Variants in HSPA4 observed in about 807,000 individuals in gnomAD.
HSPA4 encodes the protein heat shock protein family A (Hsp70) member 4, also known as heat shock 70 kDa protein 4.
In HSPA4, 25 loss-of-function variants were observed where a neutral mutation model predicts 106.2. The ratio of observed to expected loss-of-function variants is 0.24; its 90% CI spans 0.17 to 0.33. The LOEUF is 0.33. Among genes scored for constraint, HSPA4 ranks in the 10% least tolerant of loss-of-function variants. HSPA4 has a pLI of 1.00. For missense variants in HSPA4, 841 were observed against 996.0 expected (o/e 0.84, Z 2.10); for synonymous variants, 332 against 333.6 (o/e 1.00, Z 0.05).
At chr5:133,066,737 T>C (rs943170975) in intron 2 of HSPA4, among the ~76,000 whole-genome samples, 5 of 71,970 alleles carry the variant, frequency 6.9e-5, no homozygotes, top group African/African-American at 3.6e-4. Flanking sequence ...TTCTTTTTTC[T>C]TTTTTTTTTT....
intron 8 of HSPA4, among the ~76,000 whole-genome samples, chr5:133,088,016 A>T (rs185927984): frequency 6.6e-6 from 1 of 152,186 alleles, no homozygotes; most frequent in East Asian, 1.9e-4. Context: ...CTTTAATGTC[A>T]GGTCAGAATA....
intron 1 of HSPA4, among the ~76,000 whole-genome samples, chr5:133,057,218 A>G (rs1375189358): frequency 1.3e-5 from 2 of 152,120 alleles, no homozygotes; most frequent in Admixed American, 1.3e-4. Context: ...TAATGTCTCT[A>G]TTTCCATTCT....
At chr5:133,102,578 AG>A (rs1425521056) in intron 17 of HSPA4, among the ~76,000 whole-genome samples, 2 of 152,216 alleles carry the variant, frequency 1.3e-5, no homozygotes, top group Non-Finnish European at 1.5e-5. Context: ...AGCAACATTC[AG>A]GGTCACTAAA....
rs916234000 is a variant in HSPA4, at chr5:133,106,390, T to A, written c.*1954T>A. On this transcript the variant is annotated 3_prime_UTR_variant, in exon 19 of 19. Coordinates refer to ENST00000304858, the MANE Select transcript of HSPA4 (RefSeq NM_002154.4). ...CACGTTCTTACACTAAGAAAATCATTCAGTAAACATGAGACAAGTTTAGGA... is the reference window on the plus strand; with the variant it reads ...CACGTTCTTACACTAAGAAAATCATACAGTAAACATGAGACAAGTTTAGGA... 6.6e-6 allele frequency: 1 copy of A among 151,830 alleles called. No individual in the cohort carries two copies. The highest frequency in any genetic ancestry group is 1.5e-5 in the Non-Finnish European group (1 of 67,972). 9.4% of individuals were successfully genotyped at this position (151,830 alleles called of 1,614,324 possible).
intron 1 of HSPA4, among the ~76,000 whole-genome samples, chr5:133,054,568 G>T (rs1433418324): frequency 6.6e-6 from 1 of 152,152 alleles, no homozygotes; most frequent in Admixed American, 6.6e-5. Context: ...CGTTTTTAGT[G>T]TAGTCACAAA....
rs143973960 is a variant in HSPA4, at chr5:133,105,811, T to A, written c.*1375T>A. On this transcript the variant is annotated 3_prime_UTR_variant, in exon 19 of 19. Transcript: ENST00000304858. ...AGCGTTTGTCCATCTCTAGATAACA[T>A]TGAAAAGTTTGAGTGTTACAGGCTC... 6.6e-6 allele frequency: 1 copy of A among 152,116 alleles called. No homozygotes were observed. The highest frequency in any genetic ancestry group is 1.5e-5 in the Non-Finnish European group (1 of 68,032). 9.4% of individuals were successfully genotyped at this position (152,116 alleles called of 1,614,324 possible).
chr5:133,052,173 A>G lies in HSPA4; in HGVS notation c.-78A>G. ...CCTCGGCCCAAGAGGCCTGCTTTCC[A>G]CTCGCTAGCCCCGCCGGGGGTCCGT... On this transcript the variant is annotated 5_prime_UTR_variant, in exon 1 of 19. Coordinates refer to ENST00000304858, the MANE Select transcript of HSPA4 (RefSeq NM_002154.4). The G allele has an allele frequency of 9.9e-7, 1 of 1,014,418 alleles. No individual in the cohort carries two copies. The highest frequency in any genetic ancestry group is 1.5e-6 in the Non-Finnish European group (1 of 682,270). 62.8% of individuals were successfully genotyped at this position (1,014,418 alleles called of 1,614,324 possible).
intron 15 of HSPA4, among the ~76,000 whole-genome samples, chr5:133,098,948 C>T (rs1017781452): frequency 3.9e-5 from 6 of 151,954 alleles, no homozygotes; most frequent in African/African-American, 7.2e-5. Flanking sequence ...GGATTACAGG[C>T]GTGAGCCAGT....
chr5:133,063,686 G>A (rs1021337525), intron 1 of HSPA4, among the ~76,000 whole-genome samples: 2 of 152,076 alleles, frequency 1.3e-5, no homozygotes, highest in African/African-American at 4.8e-5. Flanking sequence ...GCCCGCCTCG[G>A]CCCCCCAAAG....
At chr5:133,087,004 A>G (rs754720580) in intron 8 of HSPA4, 146 bp downstream of exon 8, 29 of 584,744 alleles carry the variant, frequency 5.0e-5, no homozygotes, top group Non-Finnish European at 7.5e-5. Context: ...TTCAACCTGT[A>G]TCTTCCCCCT....
At chr5:133,094,457 A>T (rs1642823153) in intron 13 of HSPA4, among the ~76,000 whole-genome samples, 2 of 152,258 alleles carry the variant, frequency 1.3e-5, no homozygotes, top group African/African-American at 4.8e-5. Flanking sequence ...AAGTAATATT[A>T]AAAAGGAAAA....
At chr5:133,084,834 A>T (rs1162437510) in intron 7 of HSPA4, among the ~76,000 whole-genome samples, 2 of 151,512 alleles carry the variant, frequency 1.3e-5, no homozygotes, top group Non-Finnish European at 2.9e-5. Flanking sequence ...TTTTTGGAGA[A>T]AGGATACCTA....
intron 3 of HSPA4, among the ~76,000 whole-genome samples, chr5:133,070,148 A>G (rs915442839): frequency 6.6e-6 from 1 of 151,970 alleles, no homozygotes; most frequent in Non-Finnish European, 1.5e-5. Flanking sequence ...GAGAGAGAGA[A>G]TGACAGAGAG....
chr5:133,076,035 A>G (rs1176840699), intron 6 of HSPA4: 1 of 152,226 alleles, frequency 6.6e-6, no homozygotes, highest in Non-Finnish European at 1.5e-5. Flanking sequence ...TACTGGTTTT[A>G]TTCCTTCATA....
At chr5:133,070,152 CAGAG>C (rs372746519) in intron 3 of HSPA4, among the ~76,000 whole-genome samples, 233 of 151,574 alleles carry the variant, frequency 1.5e-3, no homozygotes, top group African/African-American at 5.1e-3. Flanking sequence ...GAGAGAATGA[CAGAG>C]AGAGAGACCC....
At position 133,092,900 on chromosome 5, in the gene HSPA4, A is replaced by G. The variant is rs78449551; in HGVS notation, c.1650+111A>G. ...CAGTGACATGATCTCGGCTCGCTGC[A>G]TCCTCCACCTCCTGGGTTCAAGTGA... is the stretch of plus-strand genomic sequence containing the variant. On this transcript the variant is annotated intron_variant, in intron 13 of 18. Coordinates refer to ENST00000304858, the MANE Select transcript of HSPA4 (RefSeq NM_002154.4). 5 of 613,988 alleles carry G rather than the reference A, an allele frequency of 8.1e-6. No individual in the cohort carries two copies. The South Asian group carries it at 8.5e-5, about 10-fold the overall frequency. The allele number at this position is 613,988 out of a possible 1,614,324, so 38.0% of individuals were successfully genotyped here. A position where few individuals can be genotyped will look rare whatever the true frequency, so the allele number is the denominator to read the frequency against.
chr5:133,089,466 A>G, intron 10 of HSPA4, 96 bp from the exon 11 acceptor site: 1 of 1,067,418 alleles, frequency 9.4e-7, no homozygotes, highest in Non-Finnish European at 1.3e-6. Flanking sequence ...AAAGAGAGAG[A>G]AACTAACACT....
intron 3 of HSPA4, among the ~76,000 whole-genome samples, chr5:133,068,052 C>G (rs553204468): frequency 3.3e-5 from 5 of 152,032 alleles, no homozygotes; most frequent in Admixed American, 3.3e-4. Context: ...GCCACCATGC[C>G]TGGGTAGTTT....
chr5:133,089,249 A>T, intron 10 of HSPA4, 88 bp downstream of exon 10: 2 of 750,716 alleles, frequency 2.7e-6, no homozygotes, highest in East Asian at 5.2e-5. Flanking sequence ...AGTTTACATA[A>T]ATCTGTAACA....
Sources: allele counts gnomAD v4.1 joint callset (sites outside exome capture counted in the v4.1 genomes callset), GRCh38; gene constraint gnomAD v4.1.1; transcripts MANE v1.5; gene names NCBI Gene and HGNC (gene_info 2026-07-23, HGNC 2026-07-21).